COL6A5: variants seen among roughly 807,000 people sequenced by gnomAD.
COL6A5 encodes the protein collagen alpha-5(VI) chain.
A neutral mutation model predicts 65.6 loss-of-function variants in COL6A5; 48 were observed. That is an observed-to-expected ratio of 0.73 (90% CI 0.58 to 0.93). The LOEUF is 0.93. Ranked by LOEUF, COL6A5 falls within the 40% of genes least tolerant of loss-of-function variation. The pLI, the probability that COL6A5 is intolerant of heterozygous loss-of-function variation, is 0.00. For synonymous variants in COL6A5, 291 were observed against 322.8 expected, an observed-to-expected ratio of 0.90 and a Z score of 1.05; for missense variants, 914 against 928.3, an observed-to-expected ratio of 0.98 and a Z score of 0.20.
At chr3:130,452,545 G>A (rs772867552) in intron 4 of COL6A5, among the ~76,000 whole-genome samples, 7 of 152,120 alleles carry the variant, frequency 4.6e-5, no homozygotes, top group East Asian at 1.9e-4. Context: ...GGGAGTGTAC[G>A]AATAGGGTGT....
At chr3:130,408,857 C>T (rs1011491619) in intron 17 of COL6A5, among the ~76,000 whole-genome samples, 5 of 152,192 alleles carry the variant, frequency 3.3e-5, no homozygotes, top group Admixed American at 6.5e-5. Flanking sequence ...TGGAAGTTTT[C>T]AGTGGGCAAT....
rs150604117 is a variant in COL6A5 at position 130,443,515 on chromosome 3, C to A, written c.1283C>A (p.Ala428Asp). Residue 428 changes from alanine (A) to aspartate (D), a missense_variant, in exon 4 of 8, where the codon GCC becomes GAC. By Grantham distance (126) the Ala-to-Asp change is moderately radical (BLOSUM62 -2). Transcript: ENST00000512836. Reference sequence around the variant, plus strand: ...TACCCACCACCGATGCTTGAGGATGCCTGTAGACTCATCAATTTAGGAGGA... The same window carrying A: ...TACCCACCACCGATGCTTGAGGATGACTGTAGACTCATCAATTTAGGAGGA... 6.3e-5 allele frequency: 101 copies of A among 1,611,206 alleles called. No individual in the cohort carries two copies. The African/African-American group carries it at 1.0e-3, about 16-fold the overall frequency.
intron 4 of COL6A5, among the ~76,000 whole-genome samples, chr3:130,446,536 T>C (rs968861256): frequency 6.6e-6 from 1 of 152,106 alleles, no homozygotes; most frequent in Non-Finnish European, 1.5e-5. Context: ...GAAGTGGGAT[T>C]AGTTAGATCG....
chr3:130,452,925 T>C (rs1709479684), intron 4 of COL6A5, among the ~76,000 whole-genome samples: 1 of 152,192 alleles, frequency 6.6e-6, no homozygotes, highest in Non-Finnish European at 1.5e-5. Flanking sequence ...AATTCAGTGA[T>C]ATTTCTCCCA....
chr3:130,357,515 T>C (rs1934964002), intron 1 of COL6A5, among the ~76,000 whole-genome samples: 1 of 152,188 alleles, frequency 6.6e-6, no homozygotes, highest in African/African-American at 2.4e-5. Flanking sequence ...ACAAAAATAA[T>C]AGGCATTCTC....
intron 3 of COL6A5, among the ~76,000 whole-genome samples, chr3:130,442,305 A>G (rs1369222161): frequency 6.6e-6 from 1 of 152,206 alleles, no homozygotes; most frequent in African/African-American, 2.4e-5. Context: ...AGGCACTCCT[A>G]AAACAACTTC....
exon 3 of COL6A5, chr3:130,440,546 T>C (rs1034849350): frequency 6.2e-7 from 1 of 1,613,552 alleles, no homozygotes; most frequent in African/African-American, 1.3e-5. Flanking sequence ...TGAAAATCTT[T>C]TTCCAGAAAC....
chr3:130,445,423 A>T (rs1349682378), intron 4 of COL6A5, among the ~76,000 whole-genome samples: 1 of 152,170 alleles, frequency 6.6e-6, no homozygotes, highest in Non-Finnish European at 1.5e-5. Flanking sequence ...ATTCGTCCAA[A>T]TTTTGATATT....
chr3:130,441,394 A>G (rs1444024640), intron 3 of COL6A5, among the ~76,000 whole-genome samples: 1 of 152,198 alleles, frequency 6.6e-6, no homozygotes, highest in Non-Finnish European at 1.5e-5. Context: ...CCAGTGCACT[A>G]CAAAGGGTTG....
At chr3:130,431,599 T>C (rs747226102) in exon 1 of COL6A5, 5 of 1,551,600 alleles carry the variant, frequency 3.2e-6, no homozygotes, top group Non-Finnish European at 4.4e-6. Context: ...GGAAAATAAC[T>C]GTCCTGTGGG....
At chr3:130,412,277 A>G (rs1937198746) in intron 20 of COL6A5, among the ~76,000 whole-genome samples, 2 of 152,114 alleles carry the variant, frequency 1.3e-5, no homozygotes, top group Admixed American at 6.6e-5. Context: ...TATTATATCC[A>G]TTTTTCCAGA....
At chr3:130,349,605 AAGGG>A (rs1339006484) in intron 1 of COL6A5, among the ~76,000 whole-genome samples, 3 of 152,214 alleles carry the variant, frequency 2.0e-5, no homozygotes, top group Non-Finnish European at 4.4e-5. Context: ...ATTGCCTAAG[AAGGG>A]TCTTGCAGGA....
intron 1 of COL6A5, among the ~76,000 whole-genome samples, chr3:130,366,368 G>A (rs561157517): frequency 1.3e-5 from 2 of 152,154 alleles, no homozygotes; most frequent in Admixed American, 6.5e-5. Flanking sequence ...TTGCAAGAAG[G>A]GTGACATCTT....
At chr3:130,410,627 T>A in intron 20 of COL6A5, 103 bp downstream of exon 20, 1 of 955,916 alleles carries the variant, frequency 1.0e-6, no homozygotes, top group Non-Finnish European at 1.6e-6. Context: ...AGGGCTGAAA[T>A]ATTTTTCAGG....
At chr3:130,424,380 G>A (rs1372313674) in intron 29 of COL6A5, among the ~76,000 whole-genome samples, 3 of 151,938 alleles carry the variant, frequency 2.0e-5, no homozygotes, top group Admixed American at 2.0e-4. Flanking sequence ...GGCACCTCTG[G>A]AGGCGTTCTC....
chr3:130,411,591 C>G (rs1176380431), intron 20 of COL6A5, among the ~76,000 whole-genome samples: 1 of 152,074 alleles, frequency 6.6e-6, no homozygotes, highest in Non-Finnish European at 1.5e-5. Context: ...CTTCTTCACA[C>G]AAGAGAATTA....
exon 7 of COL6A5, chr3:130,391,406 C>T (rs374168010): frequency 3.2e-5 from 49 of 1,551,648 alleles, no homozygotes; most frequent in East Asian, 1.2e-4. Flanking sequence ...TGAGAATCTG[C>T]GGAAGCGCAG....
chr3:130,422,369 G>T (rs1016454792), intron 27 of COL6A5, among the ~76,000 whole-genome samples: 5 of 151,806 alleles, frequency 3.3e-5, no homozygotes, highest in Non-Finnish European at 5.9e-5. Context: ...TTTCATAAAT[G>T]TTTTATGAAT....
intron 17 of COL6A5, among the ~76,000 whole-genome samples, chr3:130,407,019 G>A (rs748627764): frequency 1.3e-5 from 2 of 152,180 alleles, no homozygotes. Flanking sequence ...TGTGAGTGAG[G>A]CCATGTTGTA....
Sources: gnomAD v4.1 joint callset for allele counts (sites outside exome capture counted in the v4.1 genomes callset) on GRCh38, gnomAD v4.1.1 for gene constraint, MANE v1.5 for transcripts, NCBI Gene and HGNC (gene_info 2026-07-23, HGNC 2026-07-21) for gene names.